Variants in ADGRV1 observed in about 807,000 individuals in gnomAD.
ADGRV1 encodes the protein adhesion G protein-coupled receptor V1, also known as G-protein coupled receptor 98.
ADGRV1 carries 359 observed loss-of-function variants against 596.2 expected under a neutral mutation model. The observed-to-expected ratio is 0.60, with a 90% CI of 0.55 to 0.66. The LOEUF is 0.66. Among genes scored for constraint, ADGRV1 ranks in the 30% least tolerant of loss-of-function variants. ADGRV1 has a pLI of 0.00. For synonymous variants in ADGRV1, 2,681 were observed against 2,679.2 expected, an observed-to-expected ratio of 1.00 and a Z score of -0.02; for missense variants, 7,274 against 7,575.6, an observed-to-expected ratio of 0.96 and a Z score of 1.48.
At chr5:90,785,151 G>T (rs1759289965) in intron 67 of ADGRV1, among the ~76,000 whole-genome samples, 1 of 152,112 alleles carries the variant, frequency 6.6e-6, no homozygotes, top group Non-Finnish European at 1.5e-5. Flanking sequence ...ACAAGCAATG[G>T]GGAAAGGATT....
chr5:90,912,167 G>A (rs1772946661), intron 83 of ADGRV1, among the ~76,000 whole-genome samples: 1 of 152,062 alleles, frequency 6.6e-6, no homozygotes, highest in Non-Finnish European at 1.5e-5. Context: ...AACCTTGTTA[G>A]CAGGGGTATT....
rs1332531282 is a variant in ADGRV1, at chr5:90,674,101, G to T, written c.4977G>T (p.Glu1659Asp). 3 of 1,612,800 alleles carry T rather than the reference G, an allele frequency of 1.9e-6. No individual in the cohort carries two copies. Among genetic ancestry groups the T allele is most frequent in the Non-Finnish European group, 2.5e-6 (3 of 1,179,190 alleles). The stretch of plus-strand genomic sequence containing the variant: ...ATGATGATATTCCTGAACTTAATGA[G>T]TATTTCCGTGTGACATTGGTTTCTG... ...VLDDDIPELN[E>D]YFRVTLVSAI... Residue 1659 changes from glutamate (E) to aspartate (D), a missense_variant, in exon 23 of 90, where the codon GAG becomes GAT. By Grantham distance (45) the Glu-to-Asp change is conservative. Coordinates refer to ENST00000405460, the MANE Select transcript of ADGRV1 (RefSeq NM_032119.4).
intron 20 of ADGRV1, 101 bp downstream of exon 20, chr5:90,654,053 C>T (rs1769049804): frequency 8.4e-7 from 1 of 1,185,720 alleles, no homozygotes; most frequent in African/African-American, 1.5e-5. Flanking sequence ...TATTTGAAAA[C>T]TCTACTTATG....
At position 90,684,164 on chromosome 5, in the gene ADGRV1, T is replaced by C; in HGVS notation, c.6243T>C (p.Ser2081=). The change falls in exon 28 of 90, where the codon TCT becomes TCC. Residue 2081 remains serine (S), a synonymous_variant. Coordinates refer to ENST00000405460, the MANE Select transcript of ADGRV1 (RefSeq NM_032119.4). The part of the protein sequence containing the change: ...SESVFIELLN[S]TLVAKVQSRS... ...CTGTCTTTATCGAACTACTCAACTC[T>C]ACTTTAGTAGCGAAAGTACAGAGTC... 1 of 1,613,166 alleles carries C rather than the reference T, an allele frequency of 6.2e-7. No individual in the cohort carries two copies. The highest frequency in any genetic ancestry group is 1.1e-5 in the South Asian group (1 of 91,016).
At chr5:90,564,700 C>G (rs1363493059) in intron 1 of ADGRV1, among the ~76,000 whole-genome samples, 1 of 29,362 alleles carries the variant, frequency 3.4e-5, no homozygotes, top group Non-Finnish European at 6.8e-5. Flanking sequence ...GATCTCGGCT[C>G]ACTGCAAGCT....
chr5:91,078,540 T>G (rs925384820), intron 86 of ADGRV1, among the ~76,000 whole-genome samples: 15 of 152,336 alleles, frequency 9.8e-5, no homozygotes, highest in Admixed American at 7.8e-4. Context: ...GAAGTGATGC[T>G]TTTTCATAAT....
chr5:90,924,653 A>C (rs1172967646), intron 83 of ADGRV1, among the ~76,000 whole-genome samples: 66 of 148,362 alleles, frequency 4.4e-4, no homozygotes, highest in Admixed American at 8.7e-4. Context: ...CCCATTTGTC[A>C]ATTTTGTCTT....
chr5:90,765,938 C>T (rs2150027796), intron 59 of ADGRV1, among the ~76,000 whole-genome samples: 1 of 151,484 alleles, frequency 6.6e-6, no homozygotes, highest in East Asian at 1.9e-4. Context: ...GAGACAGAGT[C>T]TTGCTCTGTC....
chr5:91,149,994 TTTTTC>T (rs772259839), intron 87 of ADGRV1, 31 bp from the exon 88 acceptor site: 24 of 1,324,460 alleles, frequency 1.8e-5, no homozygotes, highest in South Asian at 1.7e-4. Context: ...GTTCTTTTTC[TTTTTC>T]TTTTCTTTTC....
chr5:90,708,404 A>C (rs1345948017), intron 38 of ADGRV1, among the ~76,000 whole-genome samples: 1 of 150,836 alleles, frequency 6.6e-6, no homozygotes, highest in Non-Finnish European at 1.5e-5. Flanking sequence ...AAAATTATAG[A>C]ATTTGGTACT....
At chr5:91,101,178 T>C (rs1196671669) in intron 86 of ADGRV1, among the ~76,000 whole-genome samples, 1 of 152,178 alleles carries the variant, frequency 6.6e-6, no homozygotes, top group Non-Finnish European at 1.5e-5. Context: ...TAATGGGGGA[T>C]CAGATTCACA....
chr5:90,709,170 G>C (rs891618756), intron 39 of ADGRV1, among the ~76,000 whole-genome samples: 1 of 152,020 alleles, frequency 6.6e-6, no homozygotes, highest in African/African-American at 2.4e-5. Flanking sequence ...CCTCAAAATA[G>C]CTCTTTGGAA....
rs903944859 is a variant in ADGRV1 at position 90,778,983 on chromosome 5, T to C, written c.12968T>C (p.Leu4323Pro). ...LDFVPAAGEL[L>P]FEAGEMRKSL... The stretch of plus-strand genomic sequence containing the variant: ...TTTGTTCCTGCAGCAGGGGAGCTCC[T>C]CTTTGAAGCAGGGGAGATGAGGAAA... Residue 4323 changes from leucine (L) to proline (P), a missense_variant, in exon 64 of 90, where the codon CTC becomes CCC. Physicochemically the swap from Leu to Pro is moderately conservative, Grantham distance 98. This residue lies in a region of ADGRV1 where 3,643 missense variants were observed against 3,809.2 expected (regional missense o/e 0.96). Transcript: ENST00000405460. 8 of 1,613,438 alleles carry C rather than the reference T, an allele frequency of 5.0e-6. No homozygotes were observed. The highest frequency in any genetic ancestry group is 6.8e-6 in the Non-Finnish European group (8 of 1,179,466).
At chr5:90,990,187 C>T (rs1344214032) in intron 85 of ADGRV1, among the ~76,000 whole-genome samples, 2 of 152,138 alleles carry the variant, frequency 1.3e-5, no homozygotes, top group Non-Finnish European at 1.5e-5. Context: ...ATTTGTCTAC[C>T]TACAAAGTCC....
At chr5:91,056,404 G>C (rs541109826) in intron 85 of ADGRV1, among the ~76,000 whole-genome samples, 7 of 152,210 alleles carry the variant, frequency 4.6e-5, no homozygotes, top group African/African-American at 1.7e-4. Context: ...GCTGGTCATC[G>C]CCAGTTGTCC....
chr5:90,785,925 C>G (rs1759387681), intron 67 of ADGRV1, among the ~76,000 whole-genome samples: 1 of 152,318 alleles, frequency 6.6e-6, no homozygotes, highest in Admixed American at 6.5e-5. Flanking sequence ...GATTATAAAT[C>G]ATGCTGCTAT....
intron 83 of ADGRV1, among the ~76,000 whole-genome samples, chr5:90,896,679 A>G (rs1771357478): frequency 6.6e-6 from 1 of 152,214 alleles, no homozygotes; most frequent in Non-Finnish European, 1.5e-5. Context: ...ACACCCATTC[A>G]TCTGGTTTGG....
Position 90,766,050 on chromosome 5 carries a change from C to T in ADGRV1, c.12285+2581C>T, listed in dbSNP as rs1408427732. On this transcript the variant is annotated intron_variant, in intron 59 of 89. Transcript: ENST00000405460. ...TCAGCCTCCCGAGTAGCTGGGACTACAGGCGCCCGCCACCACACCTGGCTA... is the reference window on the plus strand; with the variant it reads ...TCAGCCTCCCGAGTAGCTGGGACTATAGGCGCCCGCCACCACACCTGGCTA... Among the ~76,000 whole-genome samples, 12 of 152,076 alleles carry T rather than the reference C, an allele frequency of 7.9e-5. 1 individual carries two copies. The East Asian group carries it at 2.3e-3, about 29-fold the overall frequency.
intron 77 of ADGRV1, among the ~76,000 whole-genome samples, chr5:90,837,084 A>G (rs1038204949): frequency 1.3e-5 from 2 of 152,234 alleles, no homozygotes; most frequent in Non-Finnish European, 2.9e-5. Context: ...CCATGTACGT[A>G]AGTACTGTAG....
Sources: allele counts gnomAD v4.1 joint callset (sites outside exome capture counted in the v4.1 genomes callset), GRCh38; gene constraint gnomAD v4.1.1; regional missense constraint gnomAD v4.1.1; transcripts MANE v1.5; gene names NCBI Gene and HGNC (gene_info 2026-07-23, HGNC 2026-07-21).